The following KCNQ3 variants were observed in gnomAD, a reference collection of about 807,000 sequenced individuals.
The protein encoded by KCNQ3 is potassium voltage-gated channel subfamily Q member 3, also known as potassium voltage-gated channel subfamily KQT member 3.
Under a neutral mutation model 92.5 loss-of-function variants are expected in KCNQ3, and 30 were observed. The observed-to-expected ratio is 0.32, with a 90% CI of 0.24 to 0.44. The LOEUF (loss-of-function observed/expected upper bound fraction) is 0.44, where lower values mean the gene tolerates loss of function less well. Ranked by LOEUF, KCNQ3 falls within the 20% of genes least tolerant of loss-of-function variation. The pLI is 1.00. For missense variants in KCNQ3, 913 were observed against 1,140.3 expected (o/e 0.80, Z 2.87); for synonymous variants, 450 against 468.8 (o/e 0.96, Z 0.52).
At chr8:132,177,614 G>A (rs1826608555) in intron 4 of KCNQ3, among the ~76,000 whole-genome samples, 1 of 152,124 alleles carries the variant, frequency 6.6e-6, no homozygotes, top group South Asian at 2.1e-4. Context: ...GCTGGGTGGT[G>A]GGAGCTCTAG....
At chr8:132,229,081 C>T (rs930954893) in intron 1 of KCNQ3, among the ~76,000 whole-genome samples, 6 of 152,046 alleles carry the variant, frequency 3.9e-5, no homozygotes, top group Admixed American at 2.0e-4. Flanking sequence ...TGGTGAAACC[C>T]CGTCTCTACT....
At chr8:132,269,232 A>C (rs992398916) in intron 1 of KCNQ3, among the ~76,000 whole-genome samples, 1 of 152,128 alleles carries the variant, frequency 6.6e-6, no homozygotes, top group Non-Finnish European at 1.5e-5. Flanking sequence ...CCAGCTTATC[A>C]ATTCTTTTTC....
intron 1 of KCNQ3, among the ~76,000 whole-genome samples, chr8:132,385,541 G>T (rs545202397): frequency 6.6e-6 from 1 of 152,336 alleles, no homozygotes; most frequent in South Asian, 2.1e-4. Flanking sequence ...GAGTGGGTTA[G>T]TCATCTTGAG....
chr8:132,369,619 G>T (rs1819418716), intron 1 of KCNQ3, among the ~76,000 whole-genome samples: 1 of 151,676 alleles, frequency 6.6e-6, no homozygotes, highest in Non-Finnish European at 1.5e-5. Context: ...ACAATGGGGG[G>T]TTGTCAAAGA....
At position 132,186,562 on chromosome 8, in the gene KCNQ3, A is replaced by G. The variant is rs1296437823; in HGVS notation, c.387-381T>C. ...AATTAATTAATAATGTGTTCTACAC[A>G]CATAGGACTGATTTAAAAATATATG... On this transcript the variant is annotated intron_variant, in intron 1 of 14. Coordinates refer to ENST00000388996, the MANE Select transcript of KCNQ3 (RefSeq NM_004519.4). The G allele has an allele frequency of 1.2e-5, 4 of 343,492 alleles. No individual in the cohort carries two copies. The Admixed American group carries it at 1.7e-4, about 15-fold the overall frequency. 21.3% of individuals were successfully genotyped at this position (343,492 alleles called of 1,614,324 possible). A position where few individuals can be genotyped will look rare whatever the true frequency, so the allele number is the denominator to read the frequency against.
intron 1 of KCNQ3, among the ~76,000 whole-genome samples, chr8:132,468,239 T>C (rs1213218677): frequency 6.6e-6 from 1 of 152,114 alleles, no homozygotes; most frequent in African/African-American, 2.4e-5. Flanking sequence ...AAGCAGAAGC[T>C]GGGATTGGAG....
At chr8:132,235,541 A>T (rs4736558) in intron 1 of KCNQ3, among the ~76,000 whole-genome samples, 37,475 of 152,064 alleles carry the variant, frequency 0.25, 4,782 homozygotes, top group African/African-American at 0.31. Context: ...GCTGACCACC[A>T]AGCTAACTGG....
chr8:132,479,101 C>T (rs1488382910), intron 1 of KCNQ3, among the ~76,000 whole-genome samples: 1 of 152,156 alleles, frequency 6.6e-6, no homozygotes, highest in Non-Finnish European at 1.5e-5. Flanking sequence ...GATGGCTGGA[C>T]GTGCCCTGCC....
At chr8:132,220,385 A>C (rs1209120619) in intron 1 of KCNQ3, among the ~76,000 whole-genome samples, 1 of 152,238 alleles carries the variant, frequency 6.6e-6, no homozygotes, top group Non-Finnish European at 1.5e-5. Flanking sequence ...TGATAAAATG[A>C]ATGCAGAAGC....
chr8:132,361,419 C>A (rs1201383435), intron 1 of KCNQ3, among the ~76,000 whole-genome samples: 2 of 152,128 alleles, frequency 1.3e-5, no homozygotes, highest in African/African-American at 2.4e-5. Context: ...AATGTACTGA[C>A]CTTTTAAAAT....
intron 1 of KCNQ3, among the ~76,000 whole-genome samples, chr8:132,203,811 C>A (rs1452571115): frequency 2.6e-5 from 4 of 152,254 alleles, no homozygotes; most frequent in African/African-American, 9.6e-5. Flanking sequence ...TAGTCTAGTG[C>A]TTGATAGATT....
chr8:132,381,154 T>G (rs1429564838), intron 1 of KCNQ3, among the ~76,000 whole-genome samples: 1 of 152,196 alleles, frequency 6.6e-6, no homozygotes, highest in Non-Finnish European at 1.5e-5. Flanking sequence ...TTATCCATAA[T>G]TTTAGACAGG....
chr8:132,133,260 C>G (rs1824943378), intron 13 of KCNQ3, among the ~76,000 whole-genome samples: 1 of 151,930 alleles, frequency 6.6e-6, no homozygotes, highest in Non-Finnish European at 1.5e-5. Context: ...CTCCAGGTGC[C>G]CACGGTCCCA....
chr8:132,165,680 T>A (rs78190433), intron 8 of KCNQ3, among the ~76,000 whole-genome samples: 1,990 of 152,320 alleles, frequency 0.013, 41 homozygotes, highest in African/African-American at 0.044. Flanking sequence ...TTATCCAGTT[T>A]TCTCCCTAAA....
chr8:132,385,935 C>CAAA (rs34547446), intron 1 of KCNQ3, among the ~76,000 whole-genome samples: 63 of 146,784 alleles, frequency 4.3e-4, no homozygotes, highest in African/African-American at 1.6e-3. Context: ...TCTATCCGGG[C>CAAA]AAAAAAAAAA....
At chr8:132,362,706 A>AG (rs1491302175) in intron 1 of KCNQ3, among the ~76,000 whole-genome samples, 1 of 152,152 alleles carries the variant, frequency 6.6e-6, no homozygotes, top group African/African-American at 2.4e-5. Flanking sequence ...CCAGGCAAAC[A>AG]GGGGGAAGCA....
At chr8:132,354,186 T>A (rs575608075) in intron 1 of KCNQ3, among the ~76,000 whole-genome samples, 16 of 152,158 alleles carry the variant, frequency 1.1e-4, no homozygotes, top group African/African-American at 3.6e-4. Flanking sequence ...AAGACAGATA[T>A]CTGCAGGAGA....
At chr8:132,402,472 TC>T (rs1435753861) in intron 1 of KCNQ3, among the ~76,000 whole-genome samples, 2 of 152,218 alleles carry the variant, frequency 1.3e-5, no homozygotes, top group Non-Finnish European at 2.9e-5. Flanking sequence ...GTAAGGTCTT[TC>T]GTGTATCTCC....
At chr8:132,306,459 C>A (rs1817424621) in intron 1 of KCNQ3, among the ~76,000 whole-genome samples, 1 of 152,206 alleles carries the variant, frequency 6.6e-6, no homozygotes, top group South Asian at 2.1e-4. Context: ...TGAAACCCAG[C>A]ATCAAAGAGA....
Sources: allele counts gnomAD v4.1 joint callset (sites outside exome capture counted in the v4.1 genomes callset), GRCh38; gene constraint gnomAD v4.1.1; transcripts MANE v1.5; gene names NCBI Gene and HGNC (gene_info 2026-07-23, HGNC 2026-07-21).